Variants in CASK observed in about 807,000 individuals in gnomAD.
The protein encoded by CASK is calcium/calmodulin dependent serine protein kinase, also known as peripheral plasma membrane protein CASK.
Under a neutral mutation model 82.9 loss-of-function variants are expected in CASK, and 4 were observed. That is an observed-to-expected ratio of 0.05 (90% CI 0.02 to 0.11). The LOEUF is 0.11. Ranked by LOEUF, CASK falls within the 10% of genes least tolerant of loss-of-function variation. CASK has a pLI of 1.00. For synonymous variants in CASK, 259 were observed against 253.5 expected, an observed-to-expected ratio of 1.02 and a Z score of -0.20; for missense variants, 358 against 720.9, an observed-to-expected ratio of 0.50 and a Z score of 5.76.
intron 3 of CASK, among the ~76,000 whole-genome samples, chrX:41,746,421 T>G (rs1350244414): frequency 9.0e-6 from 1 of 111,168 alleles, no homozygotes; most frequent in Non-Finnish European, 1.9e-5. Context: ...GCCCCCTCAA[T>G]GATTACCAGC....
intron 11 of CASK, among the ~76,000 whole-genome samples, chrX:41,615,856 G>T: frequency 9.0e-6 from 1 of 111,089 alleles, no homozygotes. Flanking sequence ...CGAACTCCTG[G>T]GCTCAAGTGA....
rs955249277 is a variant in CASK at position 41,901,941 on chromosome X, C to T, written c.59+20989G>A. Among the ~76,000 whole-genome samples the T allele has an allele frequency of 8.1e-5, 9 of 111,150 alleles. No homozygotes were observed. In the East Asian group the frequency reaches 1.7e-3, roughly 21 times the overall value. ...GACGCAGGCTTGGTGCCTGGGATCA[C>T]GAAGGTAGGCCTGAAGACTGGGTCT... On this transcript the variant is annotated intron_variant, in intron 1 of 26. Transcript: ENST00000378163.
At chrX:41,899,144 T>C (rs1023361170) in intron 1 of CASK, among the ~76,000 whole-genome samples, 13 of 111,910 alleles carry the variant, frequency 1.2e-4, no homozygotes, top group Admixed American at 1.0e-3. Context: ...TCTGGATGAA[T>C]TGACCCCTTA....
At chrX:41,722,339 T>C (rs2068181588) in intron 5 of CASK, among the ~76,000 whole-genome samples, 1 of 112,166 alleles carries the variant, frequency 8.9e-6, no homozygotes, top group Non-Finnish European at 1.9e-5. Context: ...ACCAATAGAA[T>C]ACTGCAGAAG....
At chrX:41,854,222 G>GCACACACACA (rs1195147772) in intron 1 of CASK, among the ~76,000 whole-genome samples, 45 of 83,479 alleles carry the variant, frequency 5.4e-4, no homozygotes, top group Non-Finnish European at 7.4e-4. Context: ...GCGCGGGCGC[G>GCACACACACA]CGCACACACA....
chrX:41,747,389 T>C (rs1335342861), intron 3 of CASK, among the ~76,000 whole-genome samples: 1 of 111,701 alleles, frequency 9.0e-6, no homozygotes, highest in East Asian at 2.8e-4. Context: ...ACTCTGATTA[T>C]CTGTATGGTA....
At chrX:41,532,244 T>C (rs913591675) in intron 24 of CASK, among the ~76,000 whole-genome samples, 1 of 112,215 alleles carries the variant, frequency 8.9e-6, no homozygotes, top group Non-Finnish European at 1.9e-5. Context: ...CCACCTACTG[T>C]CTGTTTTTGT....
At chrX:41,873,433 CT>C (rs1481842467) in intron 1 of CASK, among the ~76,000 whole-genome samples, 2 of 111,053 alleles carry the variant, frequency 1.8e-5, no homozygotes, top group Non-Finnish European at 3.8e-5. Flanking sequence ...AGAATCAAGA[CT>C]TTAAAACAGT....
intron 1 of CASK, among the ~76,000 whole-genome samples, chrX:41,917,690 C>T (rs2072716740): frequency 8.9e-6 from 1 of 111,818 alleles, no homozygotes; most frequent in South Asian, 3.7e-4. Flanking sequence ...TAAGGGAGTC[C>T]ACAGGAAGTA....
In CASK at chrX:41,854,224, GCACACACACA is replaced by G. The variant is rs4007745; in HGVS notation, c.60-1007_60-998del. Reference sequence around the variant, plus strand: ...AACATGCGCGCGCGCGCGGGCGCGCGCACACACACACACACACACACACACACACACACAC... The same window carrying G: ...AACATGCGCGCGCGCGCGGGCGCGCGCACACACACACACACACACACACAC... On this transcript the variant is annotated intron_variant, in intron 1 of 26. Transcript: ENST00000378163. 5.9e-4 allele frequency among the ~76,000 whole-genome samples: 48 copies of G among 81,730 alleles called. 1 individual carries two copies. Among genetic ancestry groups the G allele is most frequent in the Middle Eastern group, 6.6e-3 (1 of 152 alleles). The allele number at this position is 81,730 out of a possible 115,157, so 71.0% of individuals were successfully genotyped here. A position where few individuals can be genotyped will look rare whatever the true frequency, so the allele number is the denominator to read the frequency against.
At chrX:41,729,064 C>T (rs2068319900) in intron 5 of CASK, 1 of 123,304 alleles carries the variant, frequency 8.1e-6, no homozygotes, top group African/African-American at 3.2e-5. Flanking sequence ...TTATTAGTGA[C>T]AAACAGTACC....
At chrX:41,878,272 C>T (rs1272791654) in intron 1 of CASK, among the ~76,000 whole-genome samples, 1 of 110,352 alleles carries the variant, frequency 9.1e-6, no homozygotes, top group Non-Finnish European at 1.9e-5. Flanking sequence ...TAAAGGAAGA[C>T]AAAGGTTTTC....
chrX:41,624,647 T>C (rs1335105946), intron 10 of CASK, among the ~76,000 whole-genome samples: 2 of 111,993 alleles, frequency 1.8e-5, no homozygotes, highest in Non-Finnish European at 3.8e-5. Flanking sequence ...CCTCAAGATC[T>C]TGTCATTTTG....
chrX:41,796,169 A>G (rs1202787270), intron 2 of CASK, among the ~76,000 whole-genome samples: 2 of 112,561 alleles, frequency 1.8e-5, no homozygotes, highest in Non-Finnish European at 3.8e-5. Flanking sequence ...ATAGGGCAAT[A>G]GACTTGTAGT....
chrX:41,660,228 C>T lies in CASK; in HGVS notation c.831+211G>A, dbSNP rs774101670. On this transcript the variant is annotated intron_variant, in intron 8 of 26. Transcript: ENST00000378163. ...TATTCTGTCTTAATCCTGTTTTTTA[C>T]CCTCTGATAGCTGCATGACACTCAA... 193 of 448,721 alleles carry T rather than the reference C, an allele frequency of 4.3e-4. 1 individual carries two copies. The highest frequency in any genetic ancestry group is 4.1e-3 in the African/African-American group (165 of 40,735). The allele number at this position is 448,721 out of a possible 1,213,427, so 37.0% of individuals were successfully genotyped here.
intron 15 of CASK, among the ~76,000 whole-genome samples, chrX:41,577,712 C>T (rs1307446242): frequency 9.0e-6 from 1 of 111,291 alleles, no homozygotes; most frequent in Non-Finnish European, 1.9e-5. Context: ...TTGCTCTGTT[C>T]AGTTAACATC....
In CASK at chrX:41,623,555, G is replaced by A. The variant is rs181106548; in HGVS notation, c.1016-921C>T. On this transcript the variant is annotated intron_variant, in intron 10 of 26. Coordinates refer to ENST00000378163, the MANE Select transcript of CASK (RefSeq NM_001367721.1). ...CTCTTGCCTCAGGTGGATTACAGGC[G>A]CGTGGCCATCATGCCTGGCTAATTT... Among the ~76,000 whole-genome samples, 33 of 110,708 alleles carry A rather than the reference G, an allele frequency of 3.0e-4. No individual in the cohort carries two copies. The East Asian group carries it at 5.1e-3, about 17-fold the overall frequency.
intron 19 of CASK, 102 bp from the exon 20 acceptor site, chrX:41,555,737 G>T: frequency 1.6e-6 from 1 of 608,601 alleles, no homozygotes; most frequent in Non-Finnish European, 2.8e-6. Context: ...AAATGAGCTA[G>T]ATTTAAGTTG....
At chrX:41,724,058 G>C (rs1382543106) in intron 5 of CASK, 1 of 112,397 alleles carries the variant, frequency 8.9e-6, no homozygotes, top group Non-Finnish European at 1.9e-5. Context: ...TACAGAAATA[G>C]AGAAATGAGG....
Sources: gnomAD v4.1 joint callset for allele counts (sites outside exome capture counted in the v4.1 genomes callset) on GRCh38, gnomAD v4.1.1 for gene constraint, MANE v1.5 for transcripts, NCBI Gene and HGNC (gene_info 2026-07-23, HGNC 2026-07-21) for gene names.